The following PEX6 variants were observed in gnomAD, a reference collection of about 807,000 sequenced individuals.
PEX6 encodes peroxisome biogenesis factor 6.
PEX6 carries 55 observed loss-of-function variants against 85.6 expected under a neutral mutation model. The observed-to-expected ratio is 0.64, with a 90% CI of 0.52 to 0.80. PEX6 has a LOEUF of 0.80. Ranked by LOEUF, PEX6 falls within the 30% of genes least tolerant of loss-of-function variation. PEX6 has a pLI of 0.00. For synonymous variants in PEX6, 519 were observed against 549.1 expected (o/e 0.95, Z 0.77); for missense variants, 1,099 against 1,260.3 (o/e 0.87, Z 1.94).
intron 11 of PEX6, 30 bp downstream of exon 11, chr6:42,966,212 C>G: frequency 6.2e-7 from 1 of 1,611,032 alleles, no homozygotes; most frequent in Non-Finnish European, 8.5e-7. Context: ...CCCTGATCCA[C>G]CCACCATCCC....
rs1769772582 is a variant in PEX6 at position 42,965,791 on chromosome 6, T to G, written c.2363-2A>C. 1 of 1,612,030 alleles carries G rather than the reference T, an allele frequency of 6.2e-7. No individual in the cohort carries two copies. Among genetic ancestry groups the G allele is most frequent in the Non-Finnish European group, 8.5e-7 (1 of 1,178,376 alleles). ...CTGCAGCCCTGGCCCTGGCAAACAC[T>G]GAAGAGAGAGAGGGGCCCACAGGAG... On this transcript the variant is annotated splice_acceptor_variant, in intron 12 of 16. Coordinates refer to ENST00000304611, the MANE Select transcript of PEX6 (RefSeq NM_000287.4). LOFTEE classifies it high-confidence loss of function. This position sits in a 1 kb window ranked among gnomAD's most constrained non-coding sequence, Gnocchi z 5.0.
rs1001291566 is a variant in PEX6, at chr6:42,971,701, C to T, written c.1131-1714G>A. Among the ~76,000 whole-genome samples the T allele has an allele frequency of 6.6e-6, 1 of 152,256 alleles. No individual in the cohort carries two copies. The highest frequency in any genetic ancestry group is 2.4e-5 in the African/African-American group (1 of 41,478). ...GGACCCATTGGGCCACTTACTCCAA[C>T]CCTGCTTTCCTTGCGGGGAAAAGAA... On this transcript the variant is annotated intron_variant, in intron 3 of 16. Transcript: ENST00000304611. The surrounding 1 kb of genome is among the most constrained non-coding windows in gnomAD (Gnocchi z 4.4).
chr6:42,978,935 CG>C lies in PEX6; in HGVS notation c.215del (p.Pro72ArgfsTer32). On this transcript the variant is annotated frameshift_variant, in exon 1 of 17. Coordinates refer to ENST00000304611, the MANE Select transcript of PEX6 (RefSeq NM_000287.4). LOFTEE classifies it high-confidence loss of function. ...AGTEEQGPGP[P>X]QLLVSRALLR... ...GCAGCGCGCGGCTAACCAGTAGCTG[CG>C]GCGGCCCGGGACCCTGCTCTTCGGT... 1 of 1,488,610 alleles carries C rather than the reference CG, an allele frequency of 6.7e-7. No homozygotes were observed. The highest frequency in any genetic ancestry group is 2.8e-5 in the East Asian group (1 of 35,646). 92.2% of individuals were successfully genotyped at this position (1,488,610 alleles called of 1,614,324 possible).
intron 2 of PEX6, 145 bp downstream of exon 2, chr6:42,974,730 G>A (rs1426440057): frequency 1.3e-6 from 1 of 770,878 alleles, no homozygotes; most frequent in African/African-American, 1.7e-5. Flanking sequence ...CAAAGTGCTG[G>A]GATTACAGAC....
At chr6:42,969,610 C>T in intron 5 of PEX6, 58 bp downstream of exon 5, 2 of 1,607,054 alleles carry the variant, frequency 1.2e-6, no homozygotes, top group Non-Finnish European at 8.5e-7. Flanking sequence ...GGCTGCTGCT[C>T]CTCCAGGGAT....
At chr6:42,977,844 T>TTG (rs201802248) in intron 1 of PEX6, among the ~76,000 whole-genome samples, 3,126 of 70,876 alleles carry the variant, frequency 0.044, 124 homozygotes, top group African/African-American at 0.25. Context: ...ACATTATGCT[T>TTG]TTTTTTTTTT....
At position 42,966,344 on chromosome 6, in the gene PEX6, A is replaced by G. The variant is rs1581760232; in HGVS notation, c.2198T>C (p.Leu733Pro). ...LPLEHPELLS[L>P]GLRRSGLLLH... is the part of the protein sequence containing the mutation. Reference sequence around the variant, plus strand: ...CAGAAGGCCTGAGCGTCTCAGGCCCAGGCTCAGTAGCTCAGGGTGCTCCAG... The same window carrying G: ...CAGAAGGCCTGAGCGTCTCAGGCCCGGGCTCAGTAGCTCAGGGTGCTCCAG... The change falls in exon 11 of 17, where the codon CTG becomes CCG. Residue 733 changes from leucine (L) to proline (P), a missense_variant. Around this residue, in one of 3 missense-constraint regions of PEX6, gnomAD observed 514 missense variants for 627.0 expected, o/e 0.82. Coordinates refer to ENST00000304611, the MANE Select transcript of PEX6 (RefSeq NM_000287.4). The G allele has an allele frequency of 1.9e-6, 3 of 1,613,874 alleles. No individual in the cohort carries two copies. The Middle Eastern group carries it at 4.9e-4, about 266-fold the overall frequency.
At position 42,978,796 on chromosome 6, in the gene PEX6, G is replaced by A; in HGVS notation, c.355C>T (p.Arg119Ter). 1 of 1,533,872 alleles carries A rather than the reference G, an allele frequency of 6.5e-7. No individual in the cohort carries two copies. Among genetic ancestry groups the A allele is most frequent in the East Asian group, 2.4e-5 (1 of 40,886 alleles). ...GTSLGPGLGP[R>*]VGPLLVRRGE... ...CGCCTCACCAGCAGCGGCCCGACTCGCGGTCCGAGCCCAGGCCCCAGCGAG... is the reference window on the plus strand; with the variant it reads ...CGCCTCACCAGCAGCGGCCCGACTCACGGTCCGAGCCCAGGCCCCAGCGAG... The change falls in exon 1 of 17, where the codon CGA (arginine) becomes TGA (stop). Residue 119 changes from arginine to a stop codon, truncating the protein, a stop_gained. Transcript: ENST00000304611. LOFTEE classifies it high-confidence loss of function.
intron 1 of PEX6, among the ~76,000 whole-genome samples, chr6:42,977,524 G>A (rs1215584537): frequency 1.3e-5 from 2 of 151,984 alleles, no homozygotes; most frequent in Non-Finnish European, 2.9e-5. Flanking sequence ...GGGTGAGGTG[G>A]CTCACGCCTG....
chr6:42,965,106 G>A lies in PEX6; in HGVS notation c.2635C>T (p.Gln879Ter). ...GTGATGGCACTTAGAACGCGTAGCT[G>A]GGAGGCCCGGTCCTCATTTGCCCCC... Reference protein sequence around the residue: ...FVGANEDRASQLRVLSAITRK... With the variant: ...FVGANEDRAS The change falls in exon 15 of 17, where the codon CAG becomes TAG. Residue 879 changes from glutamine to a stop codon, truncating the protein, a stop_gained. Coordinates refer to ENST00000304611, the MANE Select transcript of PEX6 (RefSeq NM_000287.4). LOFTEE classifies it high-confidence loss of function. This position sits in a 1 kb window ranked among gnomAD's most constrained non-coding sequence, Gnocchi z 5.0. 6.2e-7 allele frequency: 1 copy of A among 1,614,188 alleles called. No homozygotes were observed. Among genetic ancestry groups the A allele is most frequent in the African/African-American group, 1.3e-5 (1 of 75,048 alleles).
chr6:42,978,543 T>TCTC lies in PEX6; in HGVS notation c.605_607dup (p.Gly202dup). 3 of 1,613,506 alleles carry TCTC rather than the reference T, an allele frequency of 1.9e-6. No homozygotes were observed. Among genetic ancestry groups the TCTC allele is most frequent in the Non-Finnish European group, 2.5e-6 (3 of 1,179,942 alleles). ...ACAGCTCCGGCTCACCCCTAGTGAA[T>TCTC]CTCCAGTCCCTCCCAGAACTCCCTG... is the stretch of plus-strand genomic sequence containing the variant. On this transcript the variant is annotated inframe_insertion, in exon 1 of 17. Transcript: ENST00000304611.
chr6:42,968,770 G>A (rs2114245629), intron 6 of PEX6, 104 bp downstream of exon 6: 2 of 908,276 alleles, frequency 2.2e-6, no homozygotes, highest in South Asian at 1.3e-5. Context: ...AAGTGCTAGG[G>A]CCTGTGAGTA....
chr6:42,966,163 C>T (rs1187707333), intron 11 of PEX6, 58 bp from the exon 12 acceptor site: 1 of 1,610,066 alleles, frequency 6.2e-7, no homozygotes, highest in Non-Finnish European at 8.5e-7. Context: ...CACAATTGAC[C>T]TCTTGGGCAG....
chr6:42,978,218 A>G (rs1158528485), intron 1 of PEX6, 51 bp downstream of exon 1: 2 of 1,587,350 alleles, frequency 1.3e-6, no homozygotes, highest in Non-Finnish European at 1.7e-6. Flanking sequence ...TAAGACAGAG[A>G]AGAGGGTATA....
intron 7 of PEX6, 123 bp from the exon 8 acceptor site, chr6:42,967,686 G>T: frequency 1.3e-6 from 1 of 780,624 alleles, no homozygotes; most frequent in Non-Finnish European, 2.1e-6. Flanking sequence ...GGGGTAGGGA[G>T]ATGAGCATCT....
intron 1 of PEX6, 138 bp from the exon 2 acceptor site, chr6:42,975,176 A>G: frequency 3.9e-6 from 3 of 768,752 alleles, no homozygotes; most frequent in Non-Finnish European, 6.8e-6. Flanking sequence ...GGCCTGAGGT[A>G]GCAGACCTGA....
Position 42,965,044 on chromosome 6 carries a change from C to G in PEX6, c.2666+31G>C, listed in dbSNP as rs1198403551. On this transcript the variant is annotated intron_variant, in intron 15 of 16. Coordinates refer to ENST00000304611, the MANE Select transcript of PEX6 (RefSeq NM_000287.4). This position sits in a 1 kb window ranked among gnomAD's most constrained non-coding sequence, Gnocchi z 5.0. ...TCCCCTAAGCATCCCAAGGCCCAAG[C>G]CCTTCGCAGTCTTCCTCTAACAGAG... 2 of 1,613,002 alleles carry G rather than the reference C, an allele frequency of 1.2e-6. No homozygotes were observed. Among genetic ancestry groups the G allele is most frequent in the South Asian group, 1.1e-5 (1 of 91,064 alleles).
Position 42,978,469 on chromosome 6 carries a change from C to G in PEX6, c.682G>C (p.Ala228Pro). 1 of 1,614,198 alleles carries G rather than the reference C, an allele frequency of 6.2e-7. No homozygotes were observed. Among genetic ancestry groups the G allele is most frequent in the Non-Finnish European group, 8.5e-7 (1 of 1,180,036 alleles). Reference sequence around the variant, plus strand: ...TGTGAAGTGTTCGATGACTCTCTGGCCTGGGCCACCCACACCCATTCGCCC... The same window carrying G: ...TGTGAAGTGTTCGATGACTCTCTGGGCTGGGCCACCCACACCCATTCGCCC... ...FQGEWVWVAQ[A>P]RESSNTSQPH... Residue 228 changes from alanine (A) to proline (P), a missense_variant, in exon 1 of 17, where the codon GCC (alanine) becomes CCC (proline). By Grantham distance (27) the Ala-to-Pro change is conservative (BLOSUM62 -1). Around this residue, in one of 3 missense-constraint regions of PEX6, gnomAD observed 579 missense variants for 611.6 expected, o/e 0.95. Coordinates refer to ENST00000304611, the MANE Select transcript of PEX6 (RefSeq NM_000287.4).
rs548244363 is a variant in PEX6 at position 42,975,641 on chromosome 6, C to T, written c.883-603G>A. On this transcript the variant is annotated intron_variant, in intron 1 of 16. Coordinates refer to ENST00000304611, the MANE Select transcript of PEX6 (RefSeq NM_000287.4). ...GTCTATATCTGCATGTGCTATTGAGCACTTGAAATGTGGCTAAAAACAAAA... is the reference window on the plus strand; with the variant it reads ...GTCTATATCTGCATGTGCTATTGAGTACTTGAAATGTGGCTAAAAACAAAA... Among the ~76,000 whole-genome samples the T allele has an allele frequency of 4.6e-4, 70 of 152,016 alleles. 1 individual carries two copies. The highest frequency in any genetic ancestry group is 1.6e-3 in the African/African-American group (68 of 41,458).
Sources: allele counts gnomAD v4.1 joint callset (sites outside exome capture counted in the v4.1 genomes callset), GRCh38; gene constraint gnomAD v4.1.1; regional missense constraint gnomAD v4.1.1; non-coding constraint Gnocchi (gnomAD v3.1); transcripts MANE v1.5; gene names NCBI Gene and HGNC (gene_info 2026-07-23, HGNC 2026-07-21).